The following BAZ2B variants were observed in gnomAD, a reference collection of about 807,000 sequenced individuals.
The protein encoded by BAZ2B is bromodomain adjacent to zinc finger domain 2B, also known as bromodomain adjacent to zinc finger domain protein 2B.
A neutral mutation model predicts 246.0 loss-of-function variants in BAZ2B; 91 were observed. The observed-to-expected ratio is 0.37, with a 90% CI of 0.31 to 0.44. The LOEUF is 0.44. Ranked by LOEUF, BAZ2B falls within the 20% of genes least tolerant of loss-of-function variation. The pLI is 1.00. For missense variants in BAZ2B, 2,332 were observed against 2,533.7 expected, an observed-to-expected ratio of 0.92 and a Z score of 1.71; for synonymous variants, 855 against 860.0, an observed-to-expected ratio of 0.99 and a Z score of 0.10.
chr2:159,468,647 T>C (rs185511835), intron 3 of BAZ2B, among the ~76,000 whole-genome samples: 7 of 152,326 alleles, frequency 4.6e-5, no homozygotes, highest in Admixed American at 3.3e-4. Context: ...ATAAAACTTA[T>C]GTGCCGCAGC....
Position 159,478,509 on chromosome 2 carries a change from A to AATAAAAT in BAZ2B, c.145+59_145+65dup, listed in dbSNP as rs1463899051. ...CATGAGAATATTTTATTCAGTGCTC[A>AATAAAAT]ATAAAATATTATGCAAATTATTAAA... On this transcript the variant is annotated intron_variant, in intron 3 of 36. Transcript: ENST00000392783. 2.0e-6 allele frequency: 3 copies of AATAAAAT among 1,494,696 alleles called. No individual in the cohort carries two copies. The African/African-American group carries it at 4.3e-5, about 21-fold the overall frequency. 92.6% of individuals were successfully genotyped at this position (1,494,696 alleles called of 1,614,324 possible).
chr2:159,386,635 A>G, intron 21 of BAZ2B, 28 bp from the exon 22 acceptor site: 1 of 1,545,846 alleles, frequency 6.5e-7, no homozygotes, highest in Non-Finnish European at 8.7e-7. Context: ...TACAAATAAA[A>G]TAAAAACAGC....
At chr2:159,712,273 C>G in the BAZ2B span, 1 of 152,242 alleles carries the variant, frequency 6.6e-6, no homozygotes, top group East Asian at 1.9e-4. Context: ...ACTCGCCAGC[C>G]CAGCTGCCGG....
chr2:159,353,718 C>T (rs567130414), intron 27 of BAZ2B, among the ~76,000 whole-genome samples: 16 of 152,278 alleles, frequency 1.1e-4, no homozygotes, highest in Admixed American at 3.9e-4. Context: ...CCCGTTCCTA[C>T]CCACCAGAGT....
the BAZ2B span, among the ~76,000 whole-genome samples, chr2:159,632,575 T>A: frequency 2.0e-5 from 3 of 152,204 alleles, no homozygotes; most frequent in Admixed American, 1.3e-4. Flanking sequence ...CTACTGTGCA[T>A]CTCGTCCCAA....
intron 2 of BAZ2B, among the ~76,000 whole-genome samples, chr2:159,553,461 A>AAGGATCTT (rs1388953558): frequency 6.6e-6 from 1 of 151,764 alleles, no homozygotes. Context: ...CAAACTGAGG[A>AAGGATCTT]AGGATCTTAA....
intron 2 of BAZ2B, among the ~76,000 whole-genome samples, chr2:159,538,022 A>G (rs1475507423): frequency 6.6e-6 from 1 of 151,970 alleles, no homozygotes; most frequent in Non-Finnish European, 1.5e-5. Context: ...GTTTAGGAGG[A>G]GTCTCACTCT....
At chr2:159,453,852 A>C (rs2075392366) in intron 3 of BAZ2B, 51 bp from the exon 4 acceptor site, 3 of 1,353,068 alleles carry the variant, frequency 2.2e-6, no homozygotes, top group Non-Finnish European at 2.0e-6. Context: ...AACAGATGAG[A>C]CTTATCTGAT....
At chr2:159,497,090 C>G (rs75674942) in intron 2 of BAZ2B, among the ~76,000 whole-genome samples, 2,436 of 152,222 alleles carry the variant, frequency 0.016, 29 homozygotes, top group Non-Finnish European at 0.023. Context: ...TCATTTAATA[C>G]TGTTATCTCC....
intron 1 of BAZ2B, among the ~76,000 whole-genome samples, chr2:159,559,772 A>G (rs1282778560): frequency 6.6e-6 from 1 of 152,238 alleles, no homozygotes; most frequent in East Asian, 1.9e-4. Context: ...TTTTACAAGC[A>G]AAAGGTAATT....
intron 2 of BAZ2B, among the ~76,000 whole-genome samples, chr2:159,543,662 A>C (rs1329272137): frequency 6.6e-6 from 1 of 150,868 alleles, no homozygotes; most frequent in African/African-American, 2.4e-5. Context: ...TAGCCTCCTG[A>C]GTAGCTGCAA....
chr2:159,578,384 T>A (rs572368638), intron 1 of BAZ2B, among the ~76,000 whole-genome samples: 189 of 152,352 alleles, frequency 1.2e-3, no homozygotes, highest in Admixed American at 1.8e-3. Flanking sequence ...GCACACCCTT[T>A]GCCCTTTTTG....
intron 2 of BAZ2B, among the ~76,000 whole-genome samples, chr2:159,501,511 A>G (rs920083092): frequency 1.3e-5 from 2 of 151,746 alleles, no homozygotes; most frequent in Admixed American, 6.6e-5. Context: ...ATTTTTTAGT[A>G]TTTCTACAAA....
intron 5 of BAZ2B, among the ~76,000 whole-genome samples, 158 bp downstream of exon 5, chr2:159,448,084 A>G (rs2074513457): frequency 6.6e-6 from 1 of 152,180 alleles, no homozygotes; most frequent in African/African-American, 2.4e-5. Flanking sequence ...TGATCATACA[A>G]CTGTACTCCA....
chr2:159,574,097 C>G (rs1271278774), intron 1 of BAZ2B, among the ~76,000 whole-genome samples: 2 of 148,912 alleles, frequency 1.3e-5, no homozygotes, highest in Admixed American at 6.8e-5. Flanking sequence ...AGACCCAGAC[C>G]CTGACAGATG....
Position 159,347,473 on chromosome 2 carries a change from A to C in BAZ2B, c.5454+13T>G. ...TTATCCTAAAAACATATTTTATTCC[A>C]AGTCGATTTTACCTTCACTTGCAAA... On this transcript the variant is annotated intron_variant, in intron 31 of 36. Coordinates refer to ENST00000392783, the MANE Select transcript of BAZ2B (RefSeq NM_013450.4). 6.2e-7 allele frequency: 1 copy of C among 1,610,770 alleles called. No homozygotes were observed. The highest frequency in any genetic ancestry group is 8.5e-7 in the Non-Finnish European group (1 of 1,177,258).
Position 159,325,653 on chromosome 2 carries a change from C to A in BAZ2B, c.6209G>T (p.Ser2070Ile). 2.5e-6 allele frequency: 4 copies of A among 1,578,190 alleles called. No homozygotes were observed. Among genetic ancestry groups the A allele is most frequent in the Non-Finnish European group, 3.4e-6 (4 of 1,171,308 alleles). ...RDDSKDLALC[S>I]MILTEMETHE... ...CAGTGCATGAAAACGGAAATAATAC[C>A]TGCAAAGAGCTAGGTCCTTGGAGTC... Residue 2070 changes from serine to isoleucine, a missense_variant and splice_region_variant, in exon 35 of 37, where the codon AGT (serine) becomes ATT (isoleucine). Around this residue, in one of 9 missense-constraint regions of BAZ2B, gnomAD observed 210 missense variants for 232.5 expected, o/e 0.90. Coordinates refer to ENST00000392783, the MANE Select transcript of BAZ2B (RefSeq NM_013450.4).
chr2:159,528,763 C>A (rs2085034181), intron 2 of BAZ2B, among the ~76,000 whole-genome samples: 1 of 151,416 alleles, frequency 6.6e-6, no homozygotes, highest in African/African-American at 2.4e-5. Flanking sequence ...CTCTAGTTAA[C>A]CTGTAGGATT....
intron 1 of BAZ2B, among the ~76,000 whole-genome samples, chr2:159,586,045 TGTACAA>T (rs1310798457): frequency 8.5e-5 from 13 of 152,248 alleles, no homozygotes; most frequent in African/African-American, 2.7e-4. Flanking sequence ...AGAATCTGAA[TGTACAA>T]GTCAGTCATT....
Sources: gnomAD v4.1 joint callset for allele counts (sites outside exome capture counted in the v4.1 genomes callset) on GRCh38, gnomAD v4.1.1 for gene constraint, gnomAD v4.1.1 regional missense constraint, MANE v1.5 for transcripts, NCBI Gene and HGNC (gene_info 2026-07-23, HGNC 2026-07-21) for gene names.